PVT1: variants seen among roughly 807,000 people sequenced by gnomAD.
The protein encoded by PVT1 is Pvt1 oncogene, also known as CXCR4/PVT1 fusion.
At chr8:128,045,685 C>T (rs1813603147) in intron 4 of PVT1, among the ~76,000 whole-genome samples, 1 of 152,202 alleles carries the variant, frequency 6.6e-6, no homozygotes, top group Non-Finnish European at 1.5e-5. Flanking sequence ...AGTCTGTTAG[C>T]TCCTTGTGAC....
At chr8:127,945,442 C>T (rs1169959048) in intron 3 of PVT1, among the ~76,000 whole-genome samples, 1 of 152,186 alleles carries the variant, frequency 6.6e-6, no homozygotes, top group African/African-American at 2.4e-5. Flanking sequence ...TGGTCACCCA[C>T]ATTTGATAGG....
chr8:127,841,377 G>C (rs546259588), intron 2 of PVT1, among the ~76,000 whole-genome samples: 5 of 152,104 alleles, frequency 3.3e-5, no homozygotes, highest in Admixed American at 3.3e-4. Flanking sequence ...AGGTTCAAGT[G>C]ATCTTCCCGC....
At chr8:128,016,538 T>C (rs17199521) in intron 4 of PVT1, among the ~76,000 whole-genome samples, 21,650 of 152,236 alleles carry the variant, frequency 0.14, 1,863 homozygotes, top group South Asian at 0.26. Flanking sequence ...CCACCATGAA[T>C]GGAATGGCTA....
At chr8:128,085,107 G>GT (rs1814240144) in intron 5 of PVT1, among the ~76,000 whole-genome samples, 1 of 152,148 alleles carries the variant, frequency 6.6e-6, no homozygotes, top group African/African-American at 2.4e-5. Context: ...CTCCTGCCTG[G>GT]TTTTCTGAGC....
intron 3 of PVT1, among the ~76,000 whole-genome samples, chr8:127,910,198 A>G (rs1226771613): frequency 6.6e-6 from 1 of 152,140 alleles, no homozygotes; most frequent in Non-Finnish European, 1.5e-5. Context: ...TCTGCTGGCC[A>G]CGCAAGGGGA....
intron 2 of PVT1, among the ~76,000 whole-genome samples, chr8:127,802,076 T>C (rs921513822): frequency 6.6e-6 from 1 of 151,772 alleles, no homozygotes; most frequent in Non-Finnish European, 1.5e-5. Flanking sequence ...CCACCACACC[T>C]GGCTAATTTT....
At chr8:127,851,449 CCT>C (rs1268078728) in intron 2 of PVT1, among the ~76,000 whole-genome samples, 1 of 152,090 alleles carries the variant, frequency 6.6e-6, no homozygotes, top group Non-Finnish European at 1.5e-5. Flanking sequence ...TCATCTGTAC[CCT>C]GAGGATAATA....
At chr8:127,876,710 C>T (rs533167001) in intron 2 of PVT1, among the ~76,000 whole-genome samples, 8 of 152,272 alleles carry the variant, frequency 5.3e-5, no homozygotes, top group South Asian at 2.1e-4. Context: ...CTCCTAGGTG[C>T]CCCCAGAGCA....
chr8:127,860,411 C>T (rs1038143006), intron 2 of PVT1, among the ~76,000 whole-genome samples: 1 of 152,128 alleles, frequency 6.6e-6, no homozygotes, highest in Non-Finnish European at 1.5e-5. Flanking sequence ...CTTCGGAGCT[C>T]AGGGAGTACT....
intron 4 of PVT1, among the ~76,000 whole-genome samples, chr8:128,057,828 ACAG>A (rs1813779855): frequency 6.6e-6 from 1 of 152,142 alleles, no homozygotes; most frequent in South Asian, 2.1e-4. Flanking sequence ...GCTTATCCTG[ACAG>A]CTGCGAGAGG....
At chr8:127,941,212 C>T (rs191633499) in intron 3 of PVT1, among the ~76,000 whole-genome samples, 2 of 152,300 alleles carry the variant, frequency 1.3e-5, no homozygotes, top group Admixed American at 1.3e-4. Flanking sequence ...TTCTTTTCAC[C>T]TCTGTGATCT....
At chr8:127,816,495 A>T (rs1016074347) in intron 2 of PVT1, among the ~76,000 whole-genome samples, 2 of 151,568 alleles carry the variant, frequency 1.3e-5, no homozygotes. Context: ...GATGAAAAAA[A>T]AAAAACCCAT....
chr8:127,804,377 C>G (rs2129648370), intron 2 of PVT1, among the ~76,000 whole-genome samples: 1 of 152,228 alleles, frequency 6.6e-6, no homozygotes, highest in South Asian at 2.1e-4. Flanking sequence ...GGGCCTCACT[C>G]CTAGGCTGGT....
chr8:127,943,300 G>A (rs1005494774), intron 3 of PVT1, among the ~76,000 whole-genome samples: 2 of 152,172 alleles, frequency 1.3e-5, no homozygotes, highest in Non-Finnish European at 2.9e-5. Context: ...TTCCAGCCCA[G>A]CCCTTTATTC....
At chr8:127,957,577 A>AG (rs1439735083) in intron 3 of PVT1, among the ~76,000 whole-genome samples, 1 of 150,854 alleles carries the variant, frequency 6.6e-6, no homozygotes, top group African/African-American at 2.4e-5. Context: ...AAAAAAAAAA[A>AG]AAAAAAAAAG....
intron 2 of PVT1, among the ~76,000 whole-genome samples, chr8:127,834,901 A>G (rs1436503577): frequency 6.6e-6 from 1 of 152,212 alleles, no homozygotes; most frequent in African/African-American, 2.4e-5. Flanking sequence ...ATGAGATACC[A>G]TCTCATGCCA....
Position 127,932,533 on chromosome 8 carries a change from C to T in PVT1, n.782+41535C>T, listed in dbSNP as rs1046249611. 6.5e-5 allele frequency: 26 copies of T among 398,576 alleles called. No individual in the cohort carries two copies. The East Asian group carries it at 7.5e-4, about 11-fold the overall frequency. 24.7% of individuals were successfully genotyped at this position (398,576 alleles called of 1,614,324 possible). Reference sequence around the variant, plus strand: ...CTCCCAGCACCTGCCTTATCCAACTCCCCACGCTGTGGCTGAGTCCCAGCC... The same window carrying T: ...CTCCCAGCACCTGCCTTATCCAACTTCCCACGCTGTGGCTGAGTCCCAGCC... On this transcript the variant is annotated intron_variant and non_coding_transcript_variant, in intron 3 of 10. Transcript: ENST00000651587.
intron 4 of PVT1, among the ~76,000 whole-genome samples, chr8:128,045,014 A>G (rs1439680772): frequency 6.6e-6 from 1 of 152,248 alleles, no homozygotes; most frequent in South Asian, 2.1e-4. Flanking sequence ...TGTTGGGGCC[A>G]CTCTGGCCAG....
At chr8:127,938,768 C>T (rs1816309214) in intron 3 of PVT1, among the ~76,000 whole-genome samples, 1 of 152,152 alleles carries the variant, frequency 6.6e-6, no homozygotes. Context: ...GGTTTATTGC[C>T]TTTGCGTTCC....
Sources: allele counts gnomAD v4.1 joint callset (sites outside exome capture counted in the v4.1 genomes callset), GRCh38; gene constraint gnomAD v4.1.1; transcripts MANE v1.5; gene names NCBI Gene and HGNC (gene_info 2026-07-23, HGNC 2026-07-21).